MET: variants seen among roughly 807,000 people sequenced by gnomAD.
MET encodes MET proto-oncogene, receptor tyrosine kinase, also known as hepatocyte growth factor receptor.
A neutral mutation model predicts 133.1 loss-of-function variants in MET; 48 were observed. The observed-to-expected ratio is 0.36, with a 90% CI of 0.29 to 0.46. The LOEUF (loss-of-function observed/expected upper bound fraction) is 0.46. Ranked by LOEUF, MET falls within the 20% of genes least tolerant of loss-of-function variation. MET has a pLI of 1.00. For missense variants in MET, 1,442 were observed against 1,695.9 expected (o/e 0.85, Z 2.63); for synonymous variants, 628 against 616.5 (o/e 1.02, Z -0.28).
chr7:116,739,978 C>T lies in MET; in HGVS notation c.1421C>T (p.Thr474Ile), dbSNP rs1554390902. Residue 474 changes from threonine to isoleucine, a missense_variant, in exon 4 of 21, where the codon ACC (threonine) becomes ATC (isoleucine). Physicochemically the swap from Thr to Ile is moderately conservative, Grantham distance 89. Transcript: ENST00000397752. ...GTGGTTTCTCGATCAGGACCATCAACCCCTCATGTGAATTTTCTCCTGGAC... is the reference window on the plus strand; with the variant it reads ...GTGGTTTCTCGATCAGGACCATCAATCCCTCATGTGAATTTTCTCCTGGAC... ...QVVVSRSGPSTPHVNFLLDSH... is the reference protein window; with the variant it reads ...QVVVSRSGPSIPHVNFLLDSH... 9.9e-6 allele frequency: 16 copies of T among 1,614,104 alleles called. No individual in the cohort carries two copies. Among genetic ancestry groups the T allele is most frequent in the Non-Finnish European group, 1.4e-5 (16 of 1,179,994 alleles).
chr7:116,711,939 T>C (rs917774485), intron 2 of MET, among the ~76,000 whole-genome samples: 2 of 152,168 alleles, frequency 1.3e-5, no homozygotes, highest in African/African-American at 4.8e-5. Context: ...CCAATTTCTA[T>C]GGTGTAAATA....
intron 16 of MET, 75 bp from the exon 17 acceptor site, chr7:116,778,701 T>G: frequency 6.8e-7 from 1 of 1,468,370 alleles, no homozygotes; most frequent in East Asian, 2.3e-5. Context: ...ATTTCATTGC[T>G]CTTCCTATCT....
At position 116,721,474 on chromosome 7, in the gene MET, GT is replaced by G. The variant is rs569582074; in HGVS notation, c.1201-10193del. Among the ~76,000 whole-genome samples the G allele has an allele frequency of 9.7e-4, 148 of 152,220 alleles. 1 individual carries two copies. The highest frequency in any genetic ancestry group is 3.5e-3 in the African/African-American group (144 of 41,528). On this transcript the variant is annotated intron_variant, in intron 2 of 20. Coordinates refer to ENST00000397752, the MANE Select transcript of MET (RefSeq NM_000245.4). ...ATTAATTTTTTGAAGGGTTTTTTGT[GT>G]CTCTATTTCCTCAGTTCTGCTCTGA...
At chr7:116,714,842 CAT>C (rs747516278) in intron 2 of MET, among the ~76,000 whole-genome samples, 41 of 151,658 alleles carry the variant, frequency 2.7e-4, no homozygotes, top group Admixed American at 8.5e-4. Flanking sequence ...TCCCAAAAAA[CAT>C]GTGCCAACCC....
intron 2 of MET, among the ~76,000 whole-genome samples, chr7:116,729,964 C>T (rs1180572828): frequency 1.3e-5 from 2 of 152,174 alleles, no homozygotes; most frequent in South Asian, 2.1e-4. Flanking sequence ...GGTCCCTGAT[C>T]GCAGCGAGCT....
chr7:116,769,948 T>C (rs1390229875), intron 12 of MET, 157 bp downstream of exon 12: 3 of 1,090,168 alleles, frequency 2.8e-6, no homozygotes, highest in Non-Finnish European at 4.1e-6. Flanking sequence ...AATAGTGAGC[T>C]TTTTGCCACA....
chr7:116,755,646 T>A (rs962705201), intron 6 of MET, 131 bp downstream of exon 6: 3 of 1,112,052 alleles, frequency 2.7e-6, no homozygotes, highest in African/African-American at 3.1e-5. Context: ...GTCACATGCC[T>A]TGTGGGTCTG....
In MET at chr7:116,797,555, A is replaced by G; in HGVS notation, c.*1431A>G. 1 of 227,686 alleles carries G rather than the reference A, an allele frequency of 4.4e-6. No homozygotes were observed. The highest frequency in any genetic ancestry group is 5.7e-5 in the Admixed American group (1 of 17,602). 14.1% of individuals were successfully genotyped at this position (227,686 alleles called of 1,614,324 possible). On this transcript the variant is annotated 3_prime_UTR_variant, in exon 21 of 21. Coordinates refer to ENST00000397752, the MANE Select transcript of MET (RefSeq NM_000245.4). Reference sequence around the variant, plus strand: ...CATTCTGTGGAATTTTGTGCTTGCTACTGTATAGTGCATGTGGTGTAGGTT... The same window carrying G: ...CATTCTGTGGAATTTTGTGCTTGCTGCTGTATAGTGCATGTGGTGTAGGTT...
rs186375389 is a variant in MET, at chr7:116,698,973, G to A, written c.-14-98G>A. 212 of 1,548,552 alleles carry A rather than the reference G, an allele frequency of 1.4e-4. 1 individual carries two copies. The East Asian group carries it at 4.2e-3, about 30-fold the overall frequency. On this transcript the variant is annotated intron_variant, in intron 1 of 20. Transcript: ENST00000397752. ...TTCCTTCTATGTAAAAGTCCAGTTG[G>A]GAAGCTTTATTTCTGATAGATTAAA...
intron 1 of MET, among the ~76,000 whole-genome samples, chr7:116,675,754 C>CTT (rs202113885): frequency 2.1e-5 from 3 of 146,250 alleles, no homozygotes; most frequent in Non-Finnish European, 3.0e-5. Context: ...TTCTCTCTCT[C>CTT]TTTTTTTTTT....
chr7:116,754,911 GAAAGAAAGAA>G (rs1794077913), intron 5 of MET, among the ~76,000 whole-genome samples: 1 of 128,716 alleles, frequency 7.8e-6, no homozygotes, highest in Non-Finnish European at 1.7e-5. Context: ...AAGAAAGAAA[GAAAGAAAGAA>G]AGAAAGAAAG....
chr7:116,735,025 GGA>G (rs1307177608), intron 3 of MET, among the ~76,000 whole-genome samples: 2 of 152,146 alleles, frequency 1.3e-5, no homozygotes, highest in African/African-American at 2.4e-5. Context: ...GTCAGGCCAG[GGA>G]GAGTGAGTGG....
In MET at chr7:116,782,085, C is replaced by T. The variant is rs2117060644; in HGVS notation, c.3620C>T (p.Ala1207Val). 6.2e-7 allele frequency: 1 copy of T among 1,610,746 alleles called. No homozygotes were observed. The highest frequency in any genetic ancestry group is 8.5e-7 in the Non-Finnish European group (1 of 1,177,348). ...SKKFVHRDLA[A>V]RNCMLDEKFT... ...AAGTTTGTCCACAGAGACTTGGCTG[C>T]AAGAAACTGTATGTAAGTATCAGAA... Residue 1207 changes from alanine to valine, a missense_variant, in exon 18 of 21, where the codon GCA becomes GTA. Physicochemically the swap from Ala to Val is moderately conservative, Grantham distance 64. Coordinates refer to ENST00000397752, the MANE Select transcript of MET (RefSeq NM_000245.4).
intron 9 of MET, 172 bp from the exon 10 acceptor site, chr7:116,759,219 T>A (rs914532756): frequency 3.7e-5 from 34 of 907,526 alleles, no homozygotes; most frequent in Non-Finnish European, 5.5e-5. Flanking sequence ...TTTAAAAATA[T>A]TTTCAAGTTA....
chr7:116,789,408 C>T (rs73716772), intron 19 of MET, among the ~76,000 whole-genome samples: 12 of 152,290 alleles, frequency 7.9e-5, no homozygotes, highest in African/African-American at 2.9e-4. Flanking sequence ...ATGGCATCAC[C>T]ATTGTGTAAT....
At chr7:116,712,701 C>G (rs537081991) in intron 2 of MET, among the ~76,000 whole-genome samples, 8 of 152,000 alleles carry the variant, frequency 5.3e-5, no homozygotes, top group Non-Finnish European at 7.4e-5. Flanking sequence ...TCCCGTCCCC[C>G]CCACACACAC....
At chr7:116,793,250 C>T (rs567698515) in intron 19 of MET, among the ~76,000 whole-genome samples, 8 of 151,812 alleles carry the variant, frequency 5.3e-5, no homozygotes, top group Admixed American at 6.6e-5. Flanking sequence ...TCTCAGCTCA[C>T]TGCAACTTCC....
chr7:116,773,089 ATCT>A (rs1436866079), intron 14 of MET, among the ~76,000 whole-genome samples: 7 of 152,118 alleles, frequency 4.6e-5, no homozygotes, highest in African/African-American at 1.7e-4. Flanking sequence ...AACTTACCTA[ATCT>A]TCTTTGAACC....
Position 116,765,573 on chromosome 7 carries a change from G to T in MET, c.2583+2305G>T, listed in dbSNP as rs528802208. ...GGGGTCAAGCATAAGTCACCCCTCA[G>T]AATGAATCCTAAGCCCCATGGATGG... On this transcript the variant is annotated intron_variant, in intron 11 of 20. Transcript: ENST00000397752. 3.9e-4 allele frequency among the ~76,000 whole-genome samples: 60 copies of T among 152,172 alleles called. No homozygotes were observed. The South Asian group carries it at 7.9e-3, about 20-fold the overall frequency.
Sources: allele counts gnomAD v4.1 joint callset (sites outside exome capture counted in the v4.1 genomes callset), GRCh38; gene constraint gnomAD v4.1.1; transcripts MANE v1.5; gene names NCBI Gene and HGNC (gene_info 2026-07-23, HGNC 2026-07-21).